The following DHRSX variants were observed in gnomAD, a reference collection of about 807,000 sequenced individuals.
The protein encoded by DHRSX is polyprenol dehydrogenase.
In DHRSX, 31 loss-of-function variants were observed where a neutral mutation model predicts 34.0. That is an observed-to-expected ratio of 0.91 (90% confidence interval 0.69 to 1.23). DHRSX has a LOEUF of 1.23. Ranked by LOEUF, DHRSX falls within the 50% of genes most tolerant of loss-of-function variation. The pLI is 0.00. For synonymous variants in DHRSX, 201 were observed against 183.8 expected, an observed-to-expected ratio of 1.09 and a Z score of -0.76; for missense variants, 414 against 428.1, an observed-to-expected ratio of 0.97 and a Z score of 0.29.
At chrX:2,306,009 T>G (rs1444553011) in intron 3 of DHRSX, among the ~76,000 whole-genome samples, 2 of 79,470 alleles carry the variant, frequency 2.5e-5, no homozygotes, top group East Asian at 4.1e-4. Flanking sequence ...AATAGCTAAC[T>G]CATGCTGGGC....
At chrX:2,492,323 A>G (rs1438989796) in intron 1 of DHRSX, among the ~76,000 whole-genome samples, 1 of 152,124 alleles carries the variant, frequency 6.6e-6, no homozygotes, top group East Asian at 1.9e-4. Context: ...ACAGGAGAAG[A>G]CCACATGGAG....
At chrX:2,311,047 A>T (rs181858528) in intron 3 of DHRSX, among the ~76,000 whole-genome samples, 20 of 135,868 alleles carry the variant, frequency 1.5e-4, no homozygotes, top group Admixed American at 3.9e-4. Context: ...AATGAGAAGA[A>T]CAACACTCTG....
intron 5 of DHRSX, chrX:2,261,302 T>A (rs1366919789): frequency 6.6e-6 from 1 of 152,178 alleles, no homozygotes; most frequent in African/African-American, 2.4e-5. Flanking sequence ...ATAAAAACTC[T>A]CTTGTTAATT....
chrX:2,284,273 T>C (rs2124483098), intron 4 of DHRSX, among the ~76,000 whole-genome samples: 1 of 152,362 alleles, frequency 6.6e-6, no homozygotes, highest in South Asian at 2.1e-4. Context: ...TTAGAATTAA[T>C]TCATTTGAAT....
intron 1 of DHRSX, among the ~76,000 whole-genome samples, chrX:2,485,572 AAAGG>A (rs200537668): frequency 0.049 from 5,801 of 119,298 alleles, 608 homozygotes; most frequent in African/African-American, 0.19. Context: ...GGGAGGGAGG[AAAGG>A]AAGGAAGGAG....
intron 1 of DHRSX, among the ~76,000 whole-genome samples, chrX:2,429,316 G>A (rs1652254451): frequency 6.6e-6 from 1 of 152,092 alleles, no homozygotes; most frequent in African/African-American, 2.4e-5. Context: ...ATGTGTGTCT[G>A]TGTGTGGGTG....
At chrX:2,460,600 G>C (rs866316532) in intron 1 of DHRSX, among the ~76,000 whole-genome samples, 2 of 60,252 alleles carry the variant, frequency 3.3e-5, no homozygotes, top group Non-Finnish European at 6.7e-5. Context: ...TTTTTTTTTA[G>C]AGACAGCATC....
intron 3 of DHRSX, among the ~76,000 whole-genome samples, chrX:2,340,769 G>A (rs1057237318): frequency 1.3e-5 from 2 of 152,100 alleles, no homozygotes; most frequent in Non-Finnish European, 2.9e-5. Context: ...AGATAGGCTC[G>A]TGAGAGGAGA....
chrX:2,496,499 C>T (rs930766595), intron 1 of DHRSX, among the ~76,000 whole-genome samples: 3 of 152,084 alleles, frequency 2.0e-5, no homozygotes, highest in Admixed American at 1.3e-4. Flanking sequence ...GCACCCGGCC[C>T]GCCAATAGAG....
At chrX:2,231,976 CTT>C (rs1213360061) in intron 6 of DHRSX, among the ~76,000 whole-genome samples, 8 of 147,976 alleles carry the variant, frequency 5.4e-5, no homozygotes, top group African/African-American at 2.0e-4. Context: ...CCCTTCTTTC[CTT>C]TTCTCTATTC....
At position 2,245,921 on chromosome X, in the gene DHRSX, C is replaced by T. The variant is rs1413877357; in HGVS notation, c.597-2691G>A. ...AGGGTGCAGTGAGCTGAGATTGTAC[C>T]ACTGCACTCCAGCCTGGGCAAGAGA... On this transcript the variant is annotated intron_variant, in intron 5 of 6. Transcript: ENST00000334651. Among the ~76,000 whole-genome samples, 6 of 146,506 alleles carry T rather than the reference C, an allele frequency of 4.1e-5. No individual in the cohort carries two copies. In the East Asian group the frequency reaches 1.0e-3, roughly 25 times the overall value.
rs1281120011 is a variant in DHRSX, at chrX:2,307,589, C to A, written c.287-15986G>T. ...GACCATCCTGGCTAACATGGTGAAA[C>A]CCTGTCTCTACTAAAACTACAAAAA... On this transcript the variant is annotated intron_variant, in intron 3 of 6. Transcript: ENST00000334651. Among the ~76,000 whole-genome samples the A allele has an allele frequency of 2.0e-5, 3 of 151,678 alleles. No homozygotes were observed. The South Asian group carries it at 6.2e-4, about 31-fold the overall frequency.
At chrX:2,451,798 A>G (rs998069037) in intron 1 of DHRSX, among the ~76,000 whole-genome samples, 1 of 152,128 alleles carries the variant, frequency 6.6e-6, no homozygotes, top group Non-Finnish European at 1.5e-5. Flanking sequence ...AGGGACCGCC[A>G]CTGTGTATGA....
At chrX:2,384,857 G>A (rs1264716982) in intron 3 of DHRSX, among the ~76,000 whole-genome samples, 5 of 150,664 alleles carry the variant, frequency 3.3e-5, no homozygotes, top group Admixed American at 6.6e-5. Flanking sequence ...ACATGTATAC[G>A]TATGTAACTA....
chrX:2,462,336 G>A (rs1299409027), intron 1 of DHRSX, among the ~76,000 whole-genome samples: 1 of 151,800 alleles, frequency 6.6e-6, no homozygotes, highest in Non-Finnish European at 1.5e-5. Context: ...GTTTTTTTCT[G>A]AATTTCTCAA....
chrX:2,445,800 T>C (rs191000882), intron 1 of DHRSX, among the ~76,000 whole-genome samples: 3,803 of 150,790 alleles, frequency 0.025, 78 homozygotes, highest in Admixed American at 0.053. Flanking sequence ...CTGAAGATGT[T>C]CTCTAGGCAT....
At chrX:2,453,297 G>T (rs1388348993) in intron 1 of DHRSX, among the ~76,000 whole-genome samples, 11 of 151,944 alleles carry the variant, frequency 7.2e-5, no homozygotes, top group Non-Finnish European at 1.5e-5. Context: ...GCTATGGAAG[G>T]CTGAGGAAGG....
chrX:2,339,579 C>T (rs2042615198), intron 3 of DHRSX, among the ~76,000 whole-genome samples: 1 of 152,060 alleles, frequency 6.6e-6, no homozygotes, highest in Admixed American at 6.6e-5. Context: ...TCCATTGTAT[C>T]ATTCTCATGC....
At chrX:2,360,099 A>G (rs766159655) in intron 3 of DHRSX, among the ~76,000 whole-genome samples, 4 of 152,318 alleles carry the variant, frequency 2.6e-5, no homozygotes, top group South Asian at 2.1e-4. Context: ...AGTTTGAACT[A>G]TAAGAATCAA....
Sources: gnomAD v4.1 joint callset for allele counts (sites outside exome capture counted in the v4.1 genomes callset) on GRCh38, gnomAD v4.1.1 for gene constraint, MANE v1.5 for transcripts, NCBI Gene and HGNC (gene_info 2026-07-23, HGNC 2026-07-21) for gene names.